The following PRDM16 variants were observed in gnomAD, a reference collection of about 807,000 sequenced individuals.
PRDM16 encodes PR/SET domain 16, also known as histone-lysine N-methyltransferase PRDM16.
In PRDM16, 23 loss-of-function variants were observed where a neutral mutation model predicts 110.6. The observed-to-expected ratio is 0.21, with a 90% CI of 0.15 to 0.29. PRDM16 has a LOEUF of 0.29. Among genes scored for constraint, PRDM16 ranks in the 10% least tolerant of loss-of-function variants. The pLI is 1.00. For synonymous variants in PRDM16, 799 were observed against 781.8 expected, an observed-to-expected ratio of 1.02 and a Z score of -0.37; for missense variants, 1,615 against 1,794.3, an observed-to-expected ratio of 0.90 and a Z score of 1.81.
chr1:3,317,757 C>T (rs1641645237), intron 3 of PRDM16, among the ~76,000 whole-genome samples: 1 of 152,210 alleles, frequency 6.6e-6, no homozygotes, highest in Non-Finnish European at 1.5e-5. Context: ...ACACCACCAG[C>T]GCCGTGAGGA....
chr1:3,077,796 G>A (rs1238694730), intron 1 of PRDM16, among the ~76,000 whole-genome samples: 2 of 152,188 alleles, frequency 1.3e-5, no homozygotes, highest in Non-Finnish European at 2.9e-5. Context: ...TATCGTTGCT[G>A]TAGGCAGGGC....
chr1:3,217,559 G>T (rs373543301), intron 2 of PRDM16, among the ~76,000 whole-genome samples: 1 of 152,168 alleles, frequency 6.6e-6, no homozygotes, highest in African/African-American at 2.4e-5. Context: ...GGCCTCTGTC[G>T]AGCTTGGCAG....
intron 3 of PRDM16, among the ~76,000 whole-genome samples, chr1:3,250,267 G>A (rs1157858705): frequency 6.6e-6 from 1 of 152,140 alleles, no homozygotes; most frequent in Non-Finnish European, 1.5e-5. Context: ...GGCCTCCAAG[G>A]TGGCAGCCGG....
chr1:3,377,545 G>C (rs1010275126), intron 3 of PRDM16, among the ~76,000 whole-genome samples: 11 of 152,214 alleles, frequency 7.2e-5, no homozygotes, highest in African/African-American at 2.7e-4. Flanking sequence ...GTTGATTTAT[G>C]AGCTGGGGGA....
chr1:3,338,134 A>G (rs1278617723), intron 3 of PRDM16, among the ~76,000 whole-genome samples: 1 of 152,224 alleles, frequency 6.6e-6, no homozygotes, highest in Non-Finnish European at 1.5e-5. Flanking sequence ...CTCAGCTGTC[A>G]TTTATTCCAT....
At chr1:3,160,157 CAG>C (rs1643886575) in intron 1 of PRDM16, among the ~76,000 whole-genome samples, 1 of 152,244 alleles carries the variant, frequency 6.6e-6, no homozygotes, top group Admixed American at 6.5e-5. Flanking sequence ...CCTTGGCACA[CAG>C]AGCTGGGTGG....
chr1:3,361,735 G>A (rs190963451), intron 3 of PRDM16, among the ~76,000 whole-genome samples: 30 of 152,036 alleles, frequency 2.0e-4, no homozygotes, highest in African/African-American at 3.1e-4. Context: ...ACTGTGACCC[G>A]GGAGCGAGGG....
At chr1:3,073,461 C>T (rs1481792220) in intron 1 of PRDM16, among the ~76,000 whole-genome samples, 2 of 152,236 alleles carry the variant, frequency 1.3e-5, no homozygotes, top group Non-Finnish European at 2.9e-5. Flanking sequence ...GGTTTTGAAT[C>T]AAACCCGTGT....
chr1:3,362,241 A>C (rs1343077221), intron 3 of PRDM16, among the ~76,000 whole-genome samples: 1 of 152,252 alleles, frequency 6.6e-6, no homozygotes, highest in African/African-American at 2.4e-5. Context: ...CCACCGGCAC[A>C]TGAGTGAGTG....
At chr1:3,207,581 C>T (rs975619217) in intron 2 of PRDM16, 4 of 152,286 alleles carry the variant, frequency 2.6e-5, no homozygotes, top group African/African-American at 9.6e-5. Context: ...CTGAGACACC[C>T]GTACTTGGCA....
At chr1:3,296,425 G>A (rs1053471534) in intron 3 of PRDM16, among the ~76,000 whole-genome samples, 4 of 152,274 alleles carry the variant, frequency 2.6e-5, no homozygotes, top group Non-Finnish European at 2.9e-5. Flanking sequence ...GGGGCCGGGG[G>A]CAGAGGTAGG....
At chr1:3,256,028 G>A (rs755939647) in intron 3 of PRDM16, among the ~76,000 whole-genome samples, 4 of 152,204 alleles carry the variant, frequency 2.6e-5, no homozygotes, top group African/African-American at 4.8e-5. Flanking sequence ...CAGTGACAGC[G>A]CCTCACCTGG....
In PRDM16 at chr1:3,245,907, G is replaced by T. The variant is rs563307095; in HGVS notation, c.438+1770G>T. ...TTCCACCCCGATGCGTCCCTGGACC[G>T]TCTGACATTTTCAAGACGCCCTCCT... is the stretch of plus-strand genomic sequence containing the variant. On this transcript the variant is annotated intron_variant, in intron 3 of 16. Transcript: ENST00000270722. This position sits in a 1 kb window ranked among gnomAD's most constrained non-coding sequence, Gnocchi z 4.7. Among the ~76,000 whole-genome samples the T allele has an allele frequency of 6.6e-6, 1 of 152,282 alleles. No individual in the cohort carries two copies. Among genetic ancestry groups the T allele is most frequent in the African/African-American group, 2.4e-5 (1 of 41,550 alleles).
At chr1:3,130,201 G>A (rs767175849) in intron 1 of PRDM16, among the ~76,000 whole-genome samples, 11 of 152,330 alleles carry the variant, frequency 7.2e-5, no homozygotes, top group Admixed American at 3.3e-4. Flanking sequence ...TCCCTGTCCT[G>A]TGCAGGACCA....
intron 1 of PRDM16, among the ~76,000 whole-genome samples, chr1:3,112,046 C>G (rs1642808272): frequency 6.6e-6 from 1 of 152,192 alleles, no homozygotes. Flanking sequence ...AAGATCTTAT[C>G]TAGGTGGGAA....
At chr1:3,077,645 A>G (rs1641930077) in intron 1 of PRDM16, among the ~76,000 whole-genome samples, 1 of 151,946 alleles carries the variant, frequency 6.6e-6, no homozygotes, top group African/African-American at 2.4e-5. Context: ...TCAGATGGGG[A>G]GTTTTGTTTT....
chr1:3,321,461 A>ATT (rs1641743968), intron 3 of PRDM16, among the ~76,000 whole-genome samples: 1 of 150,294 alleles, frequency 6.7e-6, no homozygotes, highest in East Asian at 2.0e-4. Context: ...TGGGGGGCAC[A>ATT]TGTGTGAAGG....
At chr1:3,142,495 G>T (rs546615040) in intron 1 of PRDM16, among the ~76,000 whole-genome samples, 3 of 151,912 alleles carry the variant, frequency 2.0e-5, no homozygotes, top group Non-Finnish European at 4.4e-5. Flanking sequence ...CTCGGGGCAG[G>T]CGCCGTCGAA....
intron 1 of PRDM16, among the ~76,000 whole-genome samples, chr1:3,079,818 C>T (rs1373314671): frequency 1.3e-5 from 2 of 152,132 alleles, no homozygotes; most frequent in Non-Finnish European, 2.9e-5. Flanking sequence ...TGCAGGCAAG[C>T]GTGCTTCTGA....
Sources: gnomAD v4.1 joint callset for allele counts (sites outside exome capture counted in the v4.1 genomes callset) on GRCh38, gnomAD v4.1.1 for gene constraint, Gnocchi (gnomAD v3.1) non-coding constraint, MANE v1.5 for transcripts, NCBI Gene and HGNC (gene_info 2026-07-23, HGNC 2026-07-21) for gene names.